AFAP1: variants seen among roughly 807,000 people sequenced by gnomAD.
AFAP1 encodes the protein actin filament associated protein 1.
AFAP1 carries 75 observed loss-of-function variants against 93.9 expected under a neutral mutation model. That is an observed-to-expected ratio of 0.80 (90% CI 0.66 to 0.97). The LOEUF is 0.97. Ranked by LOEUF, AFAP1 falls within the 50% of genes least tolerant of loss-of-function variation. AFAP1 has a pLI of 0.00. For synonymous variants in AFAP1, 517 were observed against 430.7 expected (o/e 1.20, Z -2.48); for missense variants, 1,201 against 1,050.8 (o/e 1.14, Z -1.98).
At chr4:7,768,268 A>G (rs1297248747) in intron 17 of AFAP1, among the ~76,000 whole-genome samples, 1 of 152,178 alleles carries the variant, frequency 6.6e-6, no homozygotes, top group Non-Finnish European at 1.5e-5. Context: ...TTGATCAACT[A>G]CTGTGTTTTA....
At position 7,819,182 on chromosome 4, in the gene AFAP1, CACAG is replaced by C. The variant is rs771759704; in HGVS notation, c.727-15_727-12del. The C allele has an allele frequency of 2.9e-5, 47 of 1,602,992 alleles. No individual in the cohort carries two copies. The African/African-American group carries it at 6.2e-4, about 21-fold the overall frequency. ...GGCTTCTTTGATCACCTATAAAAAG[CACAG>C]ACACTTTGTGAGTATGCCCAAAGGC... On this transcript the variant is annotated splice_polypyrimidine_tract_variant and intron_variant, in intron 6 of 17. Transcript: ENST00000420658.
At chr4:7,823,638 C>T (rs1721169928) in intron 6 of AFAP1, among the ~76,000 whole-genome samples, 1 of 152,318 alleles carries the variant, frequency 6.6e-6, no homozygotes, top group East Asian at 1.9e-4. Flanking sequence ...ATCAAAGCAC[C>T]TCACGTAATC....
chr4:7,782,855 G>A (rs763349629), intron 12 of AFAP1, among the ~76,000 whole-genome samples: 8 of 152,124 alleles, frequency 5.3e-5, no homozygotes, highest in South Asian at 4.1e-4. Flanking sequence ...TAAAAATAAC[G>A]GCTCCTGCAG....
intron 3 of AFAP1, among the ~76,000 whole-genome samples, chr4:7,867,386 G>A (rs567511856): frequency 2.7e-4 from 41 of 152,290 alleles, no homozygotes; most frequent in African/African-American, 9.6e-4. Context: ...CATATGAGGA[G>A]CCTGAGGCAG....
chr4:7,761,122 CGT>C lies in AFAP1; in HGVS notation c.*2641_*2642del, dbSNP rs1713721912. 6.6e-6 allele frequency: 1 copy of C among 152,190 alleles called. No homozygotes were observed. The highest frequency in any genetic ancestry group is 6.5e-5 in the Admixed American group (1 of 15,276). The allele number at this position is 152,190 out of a possible 1,614,324, so 9.4% of individuals were successfully genotyped here. The stretch of plus-strand genomic sequence containing the variant: ...GTCAGAATTCTGGCAAGATGGCTCG[CGT>C]GTGTCTAATATGTACAGATATAAAT... On this transcript the variant is annotated 3_prime_UTR_variant, in exon 18 of 18. Transcript: ENST00000420658.
chr4:7,878,880 T>C (rs1422461061), intron 1 of AFAP1, among the ~76,000 whole-genome samples: 4 of 152,122 alleles, frequency 2.6e-5, no homozygotes. Flanking sequence ...TCTCTAAATT[T>C]TGCTCCCGGT....
chr4:7,826,942 T>C (rs1721477988), intron 6 of AFAP1, among the ~76,000 whole-genome samples: 1 of 152,106 alleles, frequency 6.6e-6, no homozygotes, highest in Admixed American at 6.5e-5. Context: ...AATATTGGAA[T>C]GACCAAAGAT....
At chr4:7,797,376 C>A (rs1397801935) in intron 10 of AFAP1, among the ~76,000 whole-genome samples, 1 of 152,148 alleles carries the variant, frequency 6.6e-6, no homozygotes, top group African/African-American at 2.4e-5. Flanking sequence ...AGTGGGGAAA[C>A]CTTACCCAAG....
At chr4:7,868,599 G>C (rs1011757667) in intron 3 of AFAP1, 23 bp downstream of exon 3, 7 of 1,605,234 alleles carry the variant, frequency 4.4e-6, no homozygotes, top group Non-Finnish European at 5.9e-6. Context: ...GATGACCACT[G>C]AGATGGTGGG....
At chr4:7,922,915 G>A (rs1164252926) in intron 1 of AFAP1, among the ~76,000 whole-genome samples, 2 of 152,168 alleles carry the variant, frequency 1.3e-5, no homozygotes, top group Non-Finnish European at 2.9e-5. Context: ...GATCACTTGA[G>A]CCCAGGAATT....
chr4:7,874,785 G>A (rs1305355157), intron 1 of AFAP1, among the ~76,000 whole-genome samples: 3 of 151,644 alleles, frequency 2.0e-5, no homozygotes, highest in Admixed American at 6.6e-5. Flanking sequence ...AAAGATACTT[G>A]CAAAAGTCTA....
chr4:7,918,676 G>A (rs541964729), intron 1 of AFAP1, among the ~76,000 whole-genome samples: 68 of 138,972 alleles, frequency 4.9e-4, no homozygotes, highest in African/African-American at 1.7e-3. Context: ...CGCAAACAGG[G>A]CTGCGGATAA....
chr4:7,857,426 C>G (rs986572285), intron 3 of AFAP1, among the ~76,000 whole-genome samples: 14 of 152,204 alleles, frequency 9.2e-5, no homozygotes, highest in Non-Finnish European at 2.1e-4. Flanking sequence ...CAGGGACTTA[C>G]AGAGAGTTAC....
At position 7,802,471 on chromosome 4, in the gene AFAP1, G is replaced by C. The variant is rs143401179; in HGVS notation, c.1055-1818C>G. Among the ~76,000 whole-genome samples the C allele has an allele frequency of 1.6e-3, 244 of 152,304 alleles. 1 individual carries two copies. The highest frequency in any genetic ancestry group is 5.7e-3 in the African/African-American group (237 of 41,562). The stretch of plus-strand genomic sequence containing the variant: ...AGGAGGACGTTAACTCCCAGATAAT[G>C]TGAAGTATCTTGTCCAAGACCACAC... On this transcript the variant is annotated intron_variant, in intron 9 of 17. Coordinates refer to ENST00000420658, the MANE Select transcript of AFAP1 (RefSeq NM_001134647.2).
chr4:7,843,472 C>T (rs989965027), intron 4 of AFAP1, 122 bp from the exon 5 acceptor site: 10 of 930,698 alleles, frequency 1.1e-5, no homozygotes, highest in African/African-American at 6.7e-5. Context: ...GGGACCTCTG[C>T]TCCTTAAGGG....
At chr4:7,863,903 T>C (rs1560207600) in intron 3 of AFAP1, among the ~76,000 whole-genome samples, 1 of 89,028 alleles carries the variant, frequency 1.1e-5, no homozygotes, top group East Asian at 3.2e-4. Context: ...TGAAGTAAAT[T>C]GTACACTAAA....
At chr4:7,843,496 A>G in intron 4 of AFAP1, 146 bp from the exon 5 acceptor site, 2 of 760,100 alleles carry the variant, frequency 2.6e-6, no homozygotes, top group Non-Finnish European at 2.1e-6. Flanking sequence ...AAACAAAAAC[A>G]AAAACAAAAA....
At chr4:7,839,370 A>AACAC (rs1267540738) in intron 5 of AFAP1, among the ~76,000 whole-genome samples, 4 of 71,540 alleles carry the variant, frequency 5.6e-5, no homozygotes, top group Non-Finnish European at 5.0e-5. Flanking sequence ...AAAAAAACCC[A>AACAC]ACACACACAA....
rs1246156884 is a variant in AFAP1 at position 7,888,118 on chromosome 4, C to T, written c.-2-16038G>A. On this transcript the variant is annotated intron_variant, in intron 1 of 17. Transcript: ENST00000420658. ...CTGGGATTACAGGCGTGAGCCACCA[C>T]GCCCAGCCCCATAAAGAACAATTAT... Among the ~76,000 whole-genome samples the T allele has an allele frequency of 5.9e-5, 9 of 152,354 alleles. No individual in the cohort carries two copies. In the East Asian group the frequency reaches 7.7e-4, roughly 13 times the overall value.
Sources: allele counts gnomAD v4.1 joint callset (sites outside exome capture counted in the v4.1 genomes callset), GRCh38; gene constraint gnomAD v4.1.1; transcripts MANE v1.5; gene names NCBI Gene and HGNC (gene_info 2026-07-23, HGNC 2026-07-21).